FOXL1: variants seen among roughly 807,000 people sequenced by gnomAD.
FOXL1 encodes the protein forkhead box L1.
In FOXL1, 2 loss-of-function variants were observed where a neutral mutation model predicts 1.7. The ratio of observed to expected loss-of-function variants is 1.21; its 90% CI spans 0.49 to 3.80. The LOEUF (loss-of-function observed/expected upper bound fraction) is 3.80, where lower values mean the gene tolerates loss of function less well. Among genes scored for constraint, FOXL1 ranks in the 30% most tolerant of loss-of-function variants. FOXL1 has a pLI of 0.07. For synonymous variants in FOXL1, 280 were observed against 229.3 expected, an observed-to-expected ratio of 1.22 and a Z score of -2.00; for missense variants, 565 against 495.8, an observed-to-expected ratio of 1.14 and a Z score of -1.32.
Position 86,578,787 on chromosome 16 carries a change from G to A in FOXL1, c.64G>A (p.Gly22Ser), listed in dbSNP as rs996233593. 4.3e-6 allele frequency: 7 copies of A among 1,613,142 alleles called. No homozygotes were observed. The highest frequency in any genetic ancestry group is 5.9e-6 in the Non-Finnish European group (7 of 1,179,906). The change falls in exon 1 of 1, where the codon GGT (glycine) becomes AGT (serine). Residue 22 changes from glycine (G) to serine (S), a missense_variant. Physicochemically the swap from Gly to Ser is moderately conservative, Grantham distance 56. Transcript: ENST00000320241. ...CGCCTCGCCCATGCTGTATCTGTAC[G>A]GTCCCGAGAGACCCGGCCTCCCTCT... ...LAASPMLYLY[G>S]PERPGLPLAF...
rs1482364417 is a variant in FOXL1, at chr16:86,582,484, C to T, written c.*2723C>T. Among the ~76,000 whole-genome samples the T allele has an allele frequency of 1.3e-5, 2 of 152,170 alleles. No homozygotes were observed. Among genetic ancestry groups the T allele is most frequent in the African/African-American group, 4.8e-5 (2 of 41,422 alleles). On this transcript the variant is annotated 3_prime_UTR_variant, in exon 1 of 1. Transcript: ENST00000320241. ...TAAACAAAGGGAACAGATCTGTCTT[C>T]TGTAAATGATCTTTGGTTCAAGCCC...
At position 86,578,683 on chromosome 16, in the gene FOXL1, C is replaced by G; in HGVS notation, c.-41C>G. 4 of 1,545,172 alleles carry G rather than the reference C, an allele frequency of 2.6e-6. No individual in the cohort carries two copies. The highest frequency in any genetic ancestry group is 3.5e-6 in the Non-Finnish European group (4 of 1,143,202). ...GGCGCAGTGCCTAGGCCGCCCGGGT[C>G]TCCTGCGTTGCGGGGAGCGCAGCGC... On this transcript the variant is annotated 5_prime_UTR_variant, in exon 1 of 1. Transcript: ENST00000320241.
rs1232486155 is a variant in FOXL1 at position 86,582,109 on chromosome 16, A to G, written c.*2348A>G. On this transcript the variant is annotated 3_prime_UTR_variant, in exon 1 of 1. Coordinates refer to ENST00000320241, the MANE Select transcript of FOXL1 (RefSeq NM_005250.3). ...TATGACACAGAAAAAATGCAGATGT[A>G]TCCACTTTGTGTGTTTATACATGCA... 1 of 152,208 alleles carries G rather than the reference A, an allele frequency of 6.6e-6. No individual in the cohort carries two copies. The highest frequency in any genetic ancestry group is 2.4e-5 in the African/African-American group (1 of 41,466). The allele number at this position is 152,208 out of a possible 1,614,324, so 9.4% of individuals were successfully genotyped here. A position where few individuals can be genotyped will look rare whatever the true frequency, so the allele number is the denominator to read the frequency against.
Position 86,579,557 on chromosome 16 carries a change from G to C in FOXL1, c.834G>C (p.Gly278=), listed in dbSNP as rs1419282359. 6.2e-7 allele frequency: 1 copy of C among 1,612,394 alleles called. No homozygotes were observed. The highest frequency in any genetic ancestry group is 8.5e-7 in the Non-Finnish European group (1 of 1,179,538). The change falls in exon 1 of 1, where the codon GGG becomes GGC. Residue 278 remains glycine, a synonymous_variant. Coordinates refer to ENST00000320241, the MANE Select transcript of FOXL1 (RefSeq NM_005250.3). ...AGKQGQKPPS[G]DELLGGAKPG... is the part of the protein sequence containing the mutation. ...AGCAGGGCCAGAAGCCGCCTTCAGGGGACGAACTCCTAGGGGGTGCCAAGC... is the reference window on the plus strand; with the variant it reads ...AGCAGGGCCAGAAGCCGCCTTCAGGCGACGAACTCCTAGGGGGTGCCAAGC...
rs1455654360 is a variant in FOXL1, at chr16:86,581,772, C to T, written c.*2011C>T. ...AAGAAAGAGGAGACTGGGATTATAT[C>T]TGGGAGTCGTGTTAGCATCTCAGGA... On this transcript the variant is annotated 3_prime_UTR_variant, in exon 1 of 1. Coordinates refer to ENST00000320241, the MANE Select transcript of FOXL1 (RefSeq NM_005250.3). The T allele has an allele frequency of 1.8e-5, 3 of 166,624 alleles. No individual in the cohort carries two copies. Among genetic ancestry groups the T allele is most frequent in the African/African-American group, 7.2e-5 (3 of 41,434 alleles). 10.3% of individuals were successfully genotyped at this position (166,624 alleles called of 1,614,324 possible). A position where few individuals can be genotyped will look rare whatever the true frequency, so the allele number is the denominator to read the frequency against.
chr16:86,579,289 C>T lies in FOXL1; in HGVS notation c.566C>T (p.Ala189Val), dbSNP rs1475433982. ...CCCGCAATCTCCCGCCTGCAGGCAGCGCCCGCGGGCCCCTCGCCCCTCCTG... is the reference window on the plus strand; with the variant it reads ...CCCGCAATCTCCCGCCTGCAGGCAGTGCCCGCGGGCCCCTCGCCCCTCCTG... ...SGPAISRLQA[A>V]PAGPSPLLDG... The change falls in exon 1 of 1, where the codon GCG (alanine) becomes GTG (valine). Residue 189 changes from alanine to valine, a missense_variant. Coordinates refer to ENST00000320241, the MANE Select transcript of FOXL1 (RefSeq NM_005250.3). 24 of 1,414,394 alleles carry T rather than the reference C, an allele frequency of 1.7e-5. No individual in the cohort carries two copies. Among genetic ancestry groups the T allele is most frequent in the Non-Finnish European group, 2.2e-5 (24 of 1,090,298 alleles). 87.6% of individuals were successfully genotyped at this position (1,414,394 alleles called of 1,614,324 possible).
rs369054293 is a variant in FOXL1, at chr16:86,579,636, C to T, written c.913C>T (p.Arg305Cys). 3 of 1,613,584 alleles carry T rather than the reference C, an allele frequency of 1.9e-6. No individual in the cohort carries two copies. Among genetic ancestry groups the T allele is most frequent in the South Asian group, 1.1e-5 (1 of 91,088 alleles). Reference sequence around the variant, plus strand: ...GCTCCTGGCCGCCTCCTCCAGCCTCCGTCCGCCTTTCAACGCTTCCCTGAT... The same window carrying T: ...GCTCCTGGCCGCCTCCTCCAGCCTCTGTCCGCCTTTCAACGCTTCCCTGAT... ...ASLLAASSSL[R>C]PPFNASLMLD... Residue 305 changes from arginine (R) to cysteine (C), a missense_variant, in exon 1 of 1, where the codon CGT (arginine) becomes TGT (cysteine). Arg to Cys is a radical substitution (Grantham distance 180). Coordinates refer to ENST00000320241, the MANE Select transcript of FOXL1 (RefSeq NM_005250.3).
At position 86,579,074 on chromosome 16, in the gene FOXL1, G is replaced by T. The variant is rs935083656; in HGVS notation, c.351G>T (p.Pro117=). 5.6e-6 allele frequency: 9 copies of T among 1,613,984 alleles called. No individual in the cohort carries two copies. The African/African-American group carries it at 1.2e-4, about 22-fold the overall frequency. Residue 117 remains proline (P), a synonymous_variant, in exon 1 of 1, where the codon CCG becomes CCT. Transcript: ENST00000320241. ...AGGTGCCCCGCGAGAAAGGGCGGCC[G>T]GGCAAGGGCAGCTACTGGACGCTGG... ...FVKVPREKGR[P]GKGSYWTLDP... is the part of the protein sequence containing the mutation.
rs543535763 is a variant in FOXL1 at position 86,583,351 on chromosome 16, A to T, written c.*3590A>T. Among the ~76,000 whole-genome samples the T allele has an allele frequency of 1.1e-4, 16 of 152,172 alleles. No individual in the cohort carries two copies. The highest frequency in any genetic ancestry group is 2.4e-4 in the Non-Finnish European group (16 of 68,000). Reference sequence around the variant, plus strand: ...TAAGGGGAGAGCCATGATTTTGTGCACTTCCTGGCTTCATGGTGGATGGAG... The same window carrying T: ...TAAGGGGAGAGCCATGATTTTGTGCTCTTCCTGGCTTCATGGTGGATGGAG... On this transcript the variant is annotated 3_prime_UTR_variant, in exon 1 of 1. Transcript: ENST00000320241.
chr16:86,578,601 C>A lies in FOXL1; in HGVS notation c.-123C>A, dbSNP rs1974367356. The A allele has an allele frequency of 4.1e-6, 3 of 734,488 alleles. No homozygotes were observed. Among genetic ancestry groups the A allele is most frequent in the South Asian group, 1.8e-5 (1 of 54,596 alleles). 45.5% of individuals were successfully genotyped at this position (734,488 alleles called of 1,614,324 possible). On this transcript the variant is annotated 5_prime_UTR_variant, in exon 1 of 1. Coordinates refer to ENST00000320241, the MANE Select transcript of FOXL1 (RefSeq NM_005250.3). ...CAGAGCACGGAGCGGCCGGGGAGAG[C>A]GGCAGAGCCAGAGGCAGAGGCACGG... is the stretch of plus-strand genomic sequence containing the variant.
rs1377987161 is a variant in FOXL1 at position 86,583,185 on chromosome 16, G to A, written c.*3424G>A. Among the ~76,000 whole-genome samples, 1 of 151,944 alleles carries A rather than the reference G, an allele frequency of 6.6e-6. No homozygotes were observed. Among genetic ancestry groups the A allele is most frequent in the South Asian group, 2.1e-4 (1 of 4,790 alleles). ...CAAAGTGGTGAGTGTATGCCCGTGT[G>A]TATGTTAAAGAATTAGCCACATATA... On this transcript the variant is annotated 3_prime_UTR_variant, in exon 1 of 1. Coordinates refer to ENST00000320241, the MANE Select transcript of FOXL1 (RefSeq NM_005250.3).
In FOXL1 at chr16:86,579,207, C is replaced by A. The variant is rs1308883459; in HGVS notation, c.484C>A (p.His162Asn). ...GGCCAAGAGGCCCCGCGCCGAGACGCACCAGCGCAGCGCGGAGGCGCAGCC... is the reference window on the plus strand; with the variant it reads ...GGCCAAGAGGCCCCGCGCCGAGACGAACCAGCGCAGCGCGGAGGCGCAGCC... Reference protein sequence around the residue: ...PEAKRPRAETHQRSAEAQPEA... With the variant: ...PEAKRPRAETNQRSAEAQPEA... The change falls in exon 1 of 1, where the codon CAC (histidine) becomes AAC (asparagine). Residue 162 changes from histidine to asparagine, a missense_variant. Physicochemically the swap from His to Asn is moderately conservative, Grantham distance 68. Transcript: ENST00000320241. The A allele has an allele frequency of 9.5e-6, 15 of 1,578,486 alleles. No individual in the cohort carries two copies. The highest frequency in any genetic ancestry group is 1.3e-5 in the Non-Finnish European group (15 of 1,163,756).
rs199982325 is a variant in FOXL1, at chr16:86,578,933, C to G, written c.210C>G (p.Val70=). Reference sequence around the variant, plus strand: ...TCCAGGACGCGCCCGAGCAGAGGGTCACGCTCAACGGCATCTACCAGTTCA... The same window carrying G: ...TCCAGGACGCGCCCGAGCAGAGGGTGACGCTCAACGGCATCTACCAGTTCA... ...MAIQDAPEQR[V]TLNGIYQFIM... Residue 70 remains valine, a synonymous_variant, in exon 1 of 1, where the codon GTC becomes GTG. Transcript: ENST00000320241. 2 of 1,614,198 alleles carry G rather than the reference C, an allele frequency of 1.2e-6. No individual in the cohort carries two copies. Among genetic ancestry groups the G allele is most frequent in the South Asian group, 1.1e-5 (1 of 91,090 alleles).
Position 86,579,537 on chromosome 16 carries a change from G to A in FOXL1, c.814G>A (p.Gly272Ser), listed in dbSNP as rs62051072. The change falls in exon 1 of 1, where the codon GGC becomes AGC. Residue 272 changes from glycine to serine, a missense_variant. Gly to Ser is a moderately conservative substitution (Grantham distance 56, BLOSUM62 0). Coordinates refer to ENST00000320241, the MANE Select transcript of FOXL1 (RefSeq NM_005250.3). ...AGACAGCATCCTGGCGGGAAAGCAG[G>A]GCCAGAAGCCGCCTTCAGGGGACGA... ...SIDSILAGKQ[G>S]QKPPSGDELL... The A allele has an allele frequency of 0.022, 35,602 of 1,609,718 alleles. 511 individuals carry two copies. The highest frequency in any genetic ancestry group is 0.033 in the South Asian group (2,946 of 90,516).
chr16:86,582,659 A>G lies in FOXL1; in HGVS notation c.*2898A>G, dbSNP rs1331282267. ...TATACATATATATACATGAATGTGT[A>G]GGGGTGTGTGTGTGTATTTGTTCTG... On this transcript the variant is annotated 3_prime_UTR_variant, in exon 1 of 1. Transcript: ENST00000320241. 6.6e-6 allele frequency among the ~76,000 whole-genome samples: 1 copy of G among 152,094 alleles called. No individual in the cohort carries two copies. The highest frequency in any genetic ancestry group is 1.5e-5 in the Non-Finnish European group (1 of 68,024).
rs930243774 is a variant in FOXL1, at chr16:86,580,731, T to G, written c.*970T>G. 6.0e-6 allele frequency: 1 copy of G among 167,040 alleles called. No homozygotes were observed. Among genetic ancestry groups the G allele is most frequent in the African/African-American group, 2.4e-5 (1 of 41,446 alleles). 10.3% of individuals were successfully genotyped at this position (167,040 alleles called of 1,614,324 possible). ...TATGCCTTGGACAATGTCAGAGTTT[T>G]GATTTCCATGTTTTTTCAAGATCCA... On this transcript the variant is annotated 3_prime_UTR_variant, in exon 1 of 1. Transcript: ENST00000320241.
rs1440322640 is a variant in FOXL1, at chr16:86,582,800, T to A, written c.*3039T>A. ...TACTATTTGAAAGATTTTGTTTTTC[T>A]ATATAGTTTTTAAAAATAGATAATA... On this transcript the variant is annotated 3_prime_UTR_variant, in exon 1 of 1. Transcript: ENST00000320241. 1.3e-5 allele frequency among the ~76,000 whole-genome samples: 2 copies of A among 152,126 alleles called. No individual in the cohort carries two copies. Among genetic ancestry groups the A allele is most frequent in the Non-Finnish European group, 2.9e-5 (2 of 68,026 alleles).
chr16:86,582,802 T>C lies in FOXL1; in HGVS notation c.*3041T>C, dbSNP rs183809742. On this transcript the variant is annotated 3_prime_UTR_variant, in exon 1 of 1. Coordinates refer to ENST00000320241, the MANE Select transcript of FOXL1 (RefSeq NM_005250.3). ...CTATTTGAAAGATTTTGTTTTTCTA[T>C]ATAGTTTTTAAAAATAGATAATAAT... Among the ~76,000 whole-genome samples, 16 of 152,238 alleles carry C rather than the reference T, an allele frequency of 1.1e-4. No individual in the cohort carries two copies. Among genetic ancestry groups the C allele is most frequent in the Non-Finnish European group, 2.1e-4 (14 of 68,020 alleles).
chr16:86,579,871 C>A lies in FOXL1; in HGVS notation c.*110C>A. 1 of 1,137,672 alleles carries A rather than the reference C, an allele frequency of 8.8e-7. No individual in the cohort carries two copies. The highest frequency in any genetic ancestry group is 1.3e-6 in the Non-Finnish European group (1 of 791,484). The allele number at this position is 1,137,672 out of a possible 1,614,324, so 70.5% of individuals were successfully genotyped here. A position where few individuals can be genotyped will look rare whatever the true frequency, so the allele number is the denominator to read the frequency against. On this transcript the variant is annotated 3_prime_UTR_variant, in exon 1 of 1. Coordinates refer to ENST00000320241, the MANE Select transcript of FOXL1 (RefSeq NM_005250.3). ...TAAAATGATCTTTGCCTGGGTCGGC[C>A]TGTGGGTTCAGGGAAGTGTTACCAA...
Sources: allele counts gnomAD v4.1 joint callset (sites outside exome capture counted in the v4.1 genomes callset), GRCh38; gene constraint gnomAD v4.1.1; transcripts MANE v1.5; gene names NCBI Gene and HGNC (gene_info 2026-07-23, HGNC 2026-07-21).